Variants in KATNIP observed in about 807,000 individuals in gnomAD.
The protein encoded by KATNIP is katanin-interacting protein.
In KATNIP, 126 loss-of-function variants were observed where a neutral mutation model predicts 174.0. The ratio of observed to expected loss-of-function variants is 0.72; its 90% confidence interval spans 0.63 to 0.84. The LOEUF is 0.84. Among genes scored for constraint, KATNIP ranks in the 40% least tolerant of loss-of-function variants. KATNIP has a pLI of 0.00. For synonymous variants in KATNIP, 810 were observed against 835.7 expected (o/e 0.97, Z 0.53); for missense variants, 1,958 against 2,109.7 (o/e 0.93, Z 1.41).
At chr16:27,638,359 G>T (rs2076697417) in intron 5 of KATNIP, among the ~76,000 whole-genome samples, 1 of 152,204 alleles carries the variant, frequency 6.6e-6, no homozygotes. Flanking sequence ...AAGACAGGCT[G>T]GATTGGTTTG....
At chr16:27,690,568 G>A (rs950152002) in intron 8 of KATNIP, among the ~76,000 whole-genome samples, 1 of 152,178 alleles carries the variant, frequency 6.6e-6, no homozygotes, top group African/African-American at 2.4e-5. Flanking sequence ...GCCTGATGAC[G>A]TTGGCCCATT....
At chr16:27,768,464 C>T (rs1294190660) in intron 20 of KATNIP, among the ~76,000 whole-genome samples, 1 of 152,158 alleles carries the variant, frequency 6.6e-6, no homozygotes, top group African/African-American at 2.4e-5. Context: ...TTTGCCATCA[C>T]TGAATCTACT....
intron 10 of KATNIP, among the ~76,000 whole-genome samples, chr16:27,700,272 AT>A (rs202090245): frequency 0.01 from 1,560 of 152,268 alleles, 11 homozygotes; most frequent in Non-Finnish European, 0.019. Context: ...GAATAAATAA[AT>A]TTTTTTATCT....
At chr16:27,642,566 G>A (rs1334968937) in intron 5 of KATNIP, among the ~76,000 whole-genome samples, 1 of 152,130 alleles carries the variant, frequency 6.6e-6, no homozygotes, top group Non-Finnish European at 1.5e-5. Context: ...TTGGTTATAT[G>A]TTCCGGGTAG....
chr16:27,619,040 G>A (rs1264589789), intron 3 of KATNIP, among the ~76,000 whole-genome samples: 1 of 152,230 alleles, frequency 6.6e-6, no homozygotes, highest in South Asian at 2.1e-4. Context: ...TCATGGTCTG[G>A]TTTGAAAGAG....
chr16:27,703,991 A>T lies in KATNIP; in HGVS notation c.1382A>T (p.Asp461Val), dbSNP rs1476724027. ...VVSPTKEQVS[D>V]TEDKQRMRAD... is the part of the protein sequence containing the mutation. ...TCACCAACCAAGGAGCAAGTATCAG[A>T]CACAGAGGTGAGAGCCTTGACTTGA... Residue 461 changes from aspartate (D) to valine (V), a missense_variant, in exon 12 of 28, where the codon GAC becomes GTC. By Grantham distance (152) the Asp-to-Val change is radical. Around this residue, in one of 3 missense-constraint regions of KATNIP, gnomAD observed 1,557 missense variants for 1,617.8 expected, o/e 0.96. Coordinates refer to ENST00000261588, the MANE Select transcript of KATNIP (RefSeq NM_015202.5). 1.2e-6 allele frequency: 2 copies of T among 1,613,604 alleles called. No homozygotes were observed. Among genetic ancestry groups the T allele is most frequent in the Non-Finnish European group, 1.7e-6 (2 of 1,179,596 alleles).
intron 1 of KATNIP, among the ~76,000 whole-genome samples, chr16:27,561,151 A>G (rs2089864736): frequency 6.6e-6 from 1 of 150,376 alleles, no homozygotes; most frequent in African/African-American, 2.5e-5. Context: ...AGCTGGGACT[A>G]CAGGCGCCCA....
intron 2 of KATNIP, among the ~76,000 whole-genome samples, chr16:27,591,974 G>A (rs1480590511): frequency 1.3e-5 from 2 of 152,050 alleles, no homozygotes; most frequent in Non-Finnish European, 2.9e-5. Flanking sequence ...CCCAGATTCC[G>A]TCATCCAGTT....
intron 14 of KATNIP, among the ~76,000 whole-genome samples, chr16:27,733,602 CAT>C (rs911932218): frequency 2.9e-4 from 41 of 140,918 alleles, no homozygotes; most frequent in Admixed American, 7.1e-4. Context: ...CACACACACA[CAT>C]ATGCAGAGAG....
At position 27,761,591 on chromosome 16, in the gene KATNIP, G is replaced by T; in HGVS notation, c.3809+1G>T. The T allele has an allele frequency of 6.2e-7, 1 of 1,611,970 alleles. No individual in the cohort carries two copies. The highest frequency in any genetic ancestry group is 8.5e-7 in the Non-Finnish European group (1 of 1,178,358). ...CTGACGACTCCCGGGCCCTGGACAA[G>T]TAAGTGTCTATCAGAAGCTTTACTT... On this transcript the variant is annotated splice_donor_variant, in intron 19 of 27. Coordinates refer to ENST00000261588, the MANE Select transcript of KATNIP (RefSeq NM_015202.5). LOFTEE classifies it high-confidence loss of function.
intron 8 of KATNIP, among the ~76,000 whole-genome samples, chr16:27,694,674 TAGTCCCAGCTAC>T (rs1240802353): frequency 5.3e-5 from 8 of 151,976 alleles, no homozygotes; most frequent in African/African-American, 1.9e-4. Flanking sequence ...CGCATGCTTG[TAGTCCCAGCTAC>T]TCAGGAGGCT....
chr16:27,722,557 C>A (rs1416331888), intron 14 of KATNIP, among the ~76,000 whole-genome samples: 1 of 152,182 alleles, frequency 6.6e-6, no homozygotes, highest in African/African-American at 2.4e-5. Context: ...TTCACTTGGC[C>A]TATCTGCCCC....
At chr16:27,770,949 A>G (rs1363482930) in intron 21 of KATNIP, among the ~76,000 whole-genome samples, 2 of 152,148 alleles carry the variant, frequency 1.3e-5, no homozygotes, top group African/African-American at 4.8e-5. Flanking sequence ...TTTCTGGGGC[A>G]AACACCAGCA....
At chr16:27,669,848 C>A (rs1175680460) in intron 6 of KATNIP, among the ~76,000 whole-genome samples, 1 of 150,870 alleles carries the variant, frequency 6.6e-6, no homozygotes, top group Non-Finnish European at 1.5e-5. Context: ...TTTTTTGTTT[C>A]ATTTTTTAAG....
At chr16:27,564,186 T>C (rs1164609934) in intron 1 of KATNIP, among the ~76,000 whole-genome samples, 1 of 152,162 alleles carries the variant, frequency 6.6e-6, no homozygotes, top group Non-Finnish European at 1.5e-5. Context: ...CTGGCTGAGA[T>C]CCATGAATAG....
intron 6 of KATNIP, among the ~76,000 whole-genome samples, chr16:27,672,554 A>C (rs1046915140): frequency 6.6e-6 from 1 of 152,224 alleles, no homozygotes; most frequent in East Asian, 1.9e-4. Flanking sequence ...ACCTAAGCAC[A>C]TGAGCATGCA....
At chr16:27,702,058 G>A (rs2079122524) in intron 11 of KATNIP, among the ~76,000 whole-genome samples, 1 of 152,118 alleles carries the variant, frequency 6.6e-6, no homozygotes, top group East Asian at 1.9e-4. Context: ...TCTCAAACAG[G>A]CGTAAGCCAC....
At chr16:27,756,420 TC>T (rs1159038662) in intron 18 of KATNIP, among the ~76,000 whole-genome samples, 1 of 152,194 alleles carries the variant, frequency 6.6e-6, no homozygotes, top group African/African-American at 2.4e-5. Flanking sequence ...CACTCCTAGC[TC>T]TGTTTTCCAT....
intron 12 of KATNIP, among the ~76,000 whole-genome samples, chr16:27,704,891 T>A (rs1343844184): frequency 2.6e-5 from 4 of 151,284 alleles, no homozygotes; most frequent in African/African-American, 9.7e-5. Context: ...CGATTTTCGT[T>A]CTTTTCTTTT....
Sources: allele counts gnomAD v4.1 joint callset (sites outside exome capture counted in the v4.1 genomes callset), GRCh38; gene constraint gnomAD v4.1.1; regional missense constraint gnomAD v4.1.1; transcripts MANE v1.5; gene names NCBI Gene and HGNC (gene_info 2026-07-23, HGNC 2026-07-21).